Variants in CMTR1 observed in about 807,000 individuals in gnomAD.
CMTR1 encodes the protein cap-specific mRNA (nucleoside-2'-O-)-methyltransferase 1.
In CMTR1, 39 loss-of-function variants were observed where a neutral mutation model predicts 107.0. That is an observed-to-expected ratio of 0.36 (90% CI 0.28 to 0.48). The LOEUF is 0.48. CMTR1 is among the 20% of genes least tolerant of loss of function. The pLI, the probability that CMTR1 is intolerant of heterozygous loss-of-function variation, is 0.99. For missense variants in CMTR1, 672 were observed against 1,064.9 expected (o/e 0.63, Z 5.14); for synonymous variants, 366 against 379.5 (o/e 0.96, Z 0.41).
intron 23 of CMTR1, 63 bp downstream of exon 23, chr6:37,479,318 G>C: frequency 8.4e-7 from 1 of 1,193,698 alleles, no homozygotes; most frequent in Non-Finnish European, 1.3e-6. Flanking sequence ...CAGGATGCCA[G>C]CCAGCTGTCT....
chr6:37,467,396 T>C (rs6942190), intron 13 of CMTR1, among the ~76,000 whole-genome samples: 12,984 of 152,290 alleles, frequency 0.085, 979 homozygotes, highest in African/African-American at 0.2. Flanking sequence ...CTTTGAAACT[T>C]AATGAAGCTT....
chr6:37,435,561 C>A, intron 1 of CMTR1, 63 bp from the exon 2 acceptor site: 1 of 1,539,690 alleles, frequency 6.5e-7, no homozygotes, highest in Admixed American at 2.3e-5. Flanking sequence ...ACTTTGGAAT[C>A]CCTGCTGTGA....
chr6:37,441,834 G>A (rs142868128), intron 2 of CMTR1, among the ~76,000 whole-genome samples: 1 of 152,252 alleles, frequency 6.6e-6, no homozygotes, highest in East Asian at 1.9e-4. Context: ...AGTGGTCTGG[G>A]TTTTCTGAGT....
At chr6:37,425,679 T>C in the CMTR1 span, among the ~76,000 whole-genome samples, 2 of 152,298 alleles carry the variant, frequency 1.3e-5, no homozygotes, top group South Asian at 4.1e-4. Flanking sequence ...TGGTCATTTG[T>C]ATGTGAAGAT....
At chr6:37,464,540 CAAA>C (rs1165473145) in intron 13 of CMTR1, among the ~76,000 whole-genome samples, 1 of 151,948 alleles carries the variant, frequency 6.6e-6, no homozygotes, top group African/African-American at 2.4e-5. Context: ...CAGGCAGCCC[CAAA>C]GTAACCCCTC....
chr6:37,459,197 A>C (rs1372369201), intron 9 of CMTR1, among the ~76,000 whole-genome samples: 1 of 152,276 alleles, frequency 6.6e-6, no homozygotes, highest in Non-Finnish European at 1.5e-5. Context: ...GGTTGCAGAC[A>C]GCTCAGCAAC....
chr6:37,435,324 A>T lies in CMTR1; in HGVS notation c.-6-300A>T, dbSNP rs142900628. ...GAATAACTACAGGTACCAAGGCTTT[A>T]TCCCCCAGTGGCTTGTGGAGTTGAT... On this transcript the variant is annotated intron_variant, in intron 1 of 23. Transcript: ENST00000373451. Among the ~76,000 whole-genome samples the T allele has an allele frequency of 4.3e-3, 652 of 152,272 alleles. 5 individuals carry two copies. Among genetic ancestry groups the T allele is most frequent in the African/African-American group, 0.014 (577 of 41,558 alleles).
chr6:37,443,358 CT>C (rs67268523), intron 2 of CMTR1, among the ~76,000 whole-genome samples: 3,023 of 144,806 alleles, frequency 0.021, 94 homozygotes, highest in African/African-American at 0.065. Flanking sequence ...AATGTACTTT[CT>C]TTTTTTTTTT....
chr6:37,446,225 T>C, intron 3 of CMTR1, 66 bp from the exon 4 acceptor site: 1 of 1,529,298 alleles, frequency 6.5e-7, no homozygotes. Context: ...CTGTTTGGCA[T>C]GTGATGGGGC....
At chr6:37,471,969 C>A in intron 15 of CMTR1, 65 bp downstream of exon 15, 3 of 1,459,152 alleles carry the variant, frequency 2.1e-6, no homozygotes, top group South Asian at 2.4e-5. Context: ...ATGGGGTTGA[C>A]TCCCAATCCT....
chr6:37,464,617 C>G (rs946036838), intron 13 of CMTR1, among the ~76,000 whole-genome samples: 37 of 152,162 alleles, frequency 2.4e-4, no homozygotes, highest in Admixed American at 8.5e-4. Context: ...TTTTTTCCTC[C>G]TCATGTTTTT....
chr6:37,477,364 C>T (rs1761760225), intron 20 of CMTR1, among the ~76,000 whole-genome samples: 1 of 152,208 alleles, frequency 6.6e-6, no homozygotes, highest in South Asian at 2.1e-4. Context: ...CCCAGTTGCC[C>T]TGACGCAGGC....
chr6:37,466,433 C>T (rs925147970), intron 13 of CMTR1, among the ~76,000 whole-genome samples: 3 of 151,992 alleles, frequency 2.0e-5, no homozygotes, highest in African/African-American at 4.8e-5. Flanking sequence ...TGCACCCGGC[C>T]GAATTTTACA....
Position 37,463,114 on chromosome 6 carries a change from A to G in CMTR1, c.1505+106A>G, listed in dbSNP as rs991110302. On this transcript the variant is annotated intron_variant, in intron 13 of 23. Coordinates refer to ENST00000373451, the MANE Select transcript of CMTR1 (RefSeq NM_015050.3). Reference sequence around the variant, plus strand: ...TTGGTATCACTTTGTCAACCCTGACAAATTGGCAACTGGGTTTGGTCTGCT... The same window carrying G: ...TTGGTATCACTTTGTCAACCCTGACGAATTGGCAACTGGGTTTGGTCTGCT... 1.2e-5 allele frequency: 15 copies of G among 1,215,350 alleles called. No homozygotes were observed. In the African/African-American group the frequency reaches 1.5e-4, roughly 12 times the overall value. The allele number at this position is 1,215,350 out of a possible 1,614,324, so 75.3% of individuals were successfully genotyped here. A position where few individuals can be genotyped will look rare whatever the true frequency, so the allele number is the denominator to read the frequency against.
chr6:37,453,633 G>T (rs999748558), intron 8 of CMTR1, among the ~76,000 whole-genome samples: 1 of 86,788 alleles, frequency 1.2e-5, no homozygotes, highest in Non-Finnish European at 2.2e-5. Flanking sequence ...GCTGTTTCTG[G>T]TAATGAGAGG....
upstream of CMTR1, among the ~76,000 whole-genome samples, chr6:37,432,899 C>T (rs1771414148): frequency 6.6e-6 from 1 of 152,182 alleles, no homozygotes; most frequent in South Asian, 2.1e-4. Flanking sequence ...GTTCGCTCAA[C>T]CAGTTTACCA....
intron 22 of CMTR1, among the ~76,000 whole-genome samples, 183 bp downstream of exon 22, chr6:37,478,704 C>T (rs921388524): frequency 1.3e-5 from 2 of 152,298 alleles, no homozygotes; most frequent in African/African-American, 4.8e-5. Context: ...TCTGTTCTTC[C>T]GTGGGCCCTG....
chr6:37,452,291 A>G (rs1761195834), intron 6 of CMTR1, among the ~76,000 whole-genome samples: 6 of 152,202 alleles, frequency 3.9e-5, no homozygotes, highest in Admixed American at 3.3e-4. Context: ...AAATGAGGAG[A>G]AAATACTCTT....
At chr6:37,445,537 G>A (rs1419007233) in intron 3 of CMTR1, among the ~76,000 whole-genome samples, 3 of 136,964 alleles carry the variant, frequency 2.2e-5, no homozygotes, top group African/African-American at 8.9e-5. Flanking sequence ...CGCCCAGGCT[G>A]GAGTGCAGTG....
Sources: gnomAD v4.1 joint callset for allele counts (sites outside exome capture counted in the v4.1 genomes callset) on GRCh38, gnomAD v4.1.1 for gene constraint, MANE v1.5 for transcripts, NCBI Gene and HGNC (gene_info 2026-07-23, HGNC 2026-07-21) for gene names.